Variants in NBAS observed in about 807,000 individuals in gnomAD.
The protein encoded by NBAS is NAG/BC035112 fusion.
A neutral mutation model predicts 302.5 loss-of-function variants in NBAS; 219 were observed. The ratio of observed to expected loss-of-function variants is 0.72; its 90% CI spans 0.65 to 0.81. The LOEUF is 0.81. NBAS is among the 30% of genes least tolerant of loss of function. NBAS has a pLI of 0.00. For missense variants in NBAS, 2,932 were observed against 2,841.6 expected (o/e 1.03, Z -0.72); for synonymous variants, 1,118 against 1,021.6 (o/e 1.09, Z -1.80).
intron 48 of NBAS, among the ~76,000 whole-genome samples, chr2:15,208,530 A>C (rs773237394): frequency 3.9e-5 from 6 of 152,220 alleles, no homozygotes; most frequent in Non-Finnish European, 8.8e-5. Flanking sequence ...CATTGGATTT[A>C]ATCGGTACTA....
In NBAS at chr2:15,467,698, T is replaced by C; in HGVS notation, c.1984A>G (p.Arg662Gly). 6 of 1,612,938 alleles carry C rather than the reference T, an allele frequency of 3.7e-6. No homozygotes were observed. In the South Asian group the frequency reaches 6.6e-5, roughly 18 times the overall value. Residue 662 changes from arginine to glycine, a missense_variant, in exon 18 of 52, where the codon AGA becomes GGA. Physicochemically the swap from Arg to Gly is moderately radical, Grantham distance 125. Coordinates refer to ENST00000281513, the MANE Select transcript of NBAS (RefSeq NM_015909.4). ...KNKKEKELKK[R>G]QELLKLVNFS... ...TTCACTAATTTCAGTAGTTCTTGTC[T>C]CTTCTTGAGCTCCTTTTCCTTTTTA...
chr2:14,841,464 G>GA, the NBAS span, among the ~76,000 whole-genome samples: 1 of 136,468 alleles, frequency 7.3e-6, no homozygotes, highest in African/African-American at 2.6e-5. Context: ...GACTGAAAGT[G>GA]AAAGGGTAGA....
chr2:15,406,775 C>G (rs1450052981), intron 25 of NBAS, among the ~76,000 whole-genome samples: 2 of 152,184 alleles, frequency 1.3e-5, no homozygotes, highest in African/African-American at 4.8e-5. Flanking sequence ...TAATGCCTAT[C>G]TAACATATCG....
the NBAS span, among the ~76,000 whole-genome samples, chr2:14,792,225 G>A: frequency 1.4e-4 from 22 of 152,090 alleles, no homozygotes; most frequent in South Asian, 4.1e-4. Context: ...GACACTCCTC[G>A]ACTTACAATG....
chr2:15,351,237 A>C (rs1458480689), intron 35 of NBAS, among the ~76,000 whole-genome samples: 2 of 152,238 alleles, frequency 1.3e-5, no homozygotes, highest in Non-Finnish European at 1.5e-5. Flanking sequence ...TAAAATACAA[A>C]AACAGGTAAA....
At position 15,348,482 on chromosome 2, in the gene NBAS, T is replaced by C. The variant is rs568809996; in HGVS notation, c.4179+3510A>G. 2.0e-5 allele frequency among the ~76,000 whole-genome samples: 3 copies of C among 152,014 alleles called. No individual in the cohort carries two copies. The South Asian group carries it at 6.3e-4, about 32-fold the overall frequency. ...GCCAGGCTGACATTTTATAATTCAC[T>C]GTAGAAGCAGAAAATAGAAGTCCCC... is the stretch of plus-strand genomic sequence containing the variant. On this transcript the variant is annotated intron_variant, in intron 35 of 51. Coordinates refer to ENST00000281513, the MANE Select transcript of NBAS (RefSeq NM_015909.4).
the NBAS span, among the ~76,000 whole-genome samples, chr2:14,859,734 G>T: frequency 6.6e-6 from 1 of 152,020 alleles, no homozygotes; most frequent in African/African-American, 2.4e-5. Flanking sequence ...TGACACTACT[G>T]GAAGAAAACA....
chr2:15,003,645 G>A, the NBAS span, among the ~76,000 whole-genome samples: 1 of 152,204 alleles, frequency 6.6e-6, no homozygotes, highest in Non-Finnish European at 1.5e-5. Context: ...AGGGGACGAA[G>A]GGTCTCAAGC....
the NBAS span, among the ~76,000 whole-genome samples, chr2:15,072,037 A>G: frequency 6.6e-6 from 1 of 152,214 alleles, no homozygotes; most frequent in Non-Finnish European, 1.5e-5. Flanking sequence ...TTTTCTGTCT[A>G]CTTGCTCAGG....
At chr2:15,065,463 T>C in the NBAS span, among the ~76,000 whole-genome samples, 25 of 152,250 alleles carry the variant, frequency 1.6e-4, no homozygotes, top group Non-Finnish European at 2.6e-4. Context: ...TAAGATTATC[T>C]GTCTGGAGAT....
At chr2:14,970,378 G>A in the NBAS span, among the ~76,000 whole-genome samples, 1 of 152,308 alleles carries the variant, frequency 6.6e-6, no homozygotes, top group South Asian at 2.1e-4. Context: ...AGGCTCTAGA[G>A]CTGGGCTGCT....
the NBAS span, among the ~76,000 whole-genome samples, chr2:15,015,079 T>C: frequency 2.4e-4 from 35 of 143,638 alleles, no homozygotes; most frequent in African/African-American, 8.6e-4. Context: ...AAGATTAAAC[T>C]AAGAAGAAAT....
At chr2:14,941,517 T>C in the NBAS span, among the ~76,000 whole-genome samples, 1 of 152,200 alleles carries the variant, frequency 6.6e-6, no homozygotes, top group African/African-American at 2.4e-5. Flanking sequence ...CCCTGGACTT[T>C]CTTGCAGATG....
intron 44 of NBAS, among the ~76,000 whole-genome samples, chr2:15,269,436 C>T (rs1669220800): frequency 6.6e-6 from 1 of 152,100 alleles, no homozygotes; most frequent in Non-Finnish European, 1.5e-5. Context: ...GCTACTTTTG[C>T]TTACATTTTC....
chr2:15,435,996 T>A (rs2148501090), intron 21 of NBAS, among the ~76,000 whole-genome samples: 1 of 152,324 alleles, frequency 6.6e-6, no homozygotes. Flanking sequence ...CATTTAATCG[T>A]GAATCAAACA....
At chr2:15,130,400 A>G in the NBAS span, among the ~76,000 whole-genome samples, 1 of 152,204 alleles carries the variant, frequency 6.6e-6, no homozygotes, top group Non-Finnish European at 1.5e-5. Context: ...TCTACACAGC[A>G]TATGGTACAG....
chr2:14,842,861 A>AAAAC, the NBAS span, among the ~76,000 whole-genome samples: 2 of 146,010 alleles, frequency 1.4e-5, no homozygotes, highest in African/African-American at 5.1e-5. Context: ...AAAAAAAAAA[A>AAAAC]AAACATATAC....
the NBAS span, among the ~76,000 whole-genome samples, chr2:14,995,341 G>A: frequency 3.9e-5 from 6 of 152,038 alleles, no homozygotes; most frequent in African/African-American, 7.2e-5. Context: ...ATAGTTTGCC[G>A]AAAATGATGA....
the NBAS span, among the ~76,000 whole-genome samples, chr2:15,070,306 T>G: frequency 6.6e-6 from 1 of 152,212 alleles, no homozygotes; most frequent in Non-Finnish European, 1.5e-5. Context: ...CAGCTCTTTT[T>G]GTATACACAG....
Sources: gnomAD v4.1 joint callset for allele counts (sites outside exome capture counted in the v4.1 genomes callset) on GRCh38, gnomAD v4.1.1 for gene constraint, MANE v1.5 for transcripts, NCBI Gene and HGNC (gene_info 2026-07-23, HGNC 2026-07-21) for gene names.